Variants in NPAT observed in about 807,000 individuals in gnomAD.
NPAT encodes the protein nuclear protein, coactivator of histone transcription.
Under a neutral mutation model 130.7 loss-of-function variants are expected in NPAT, and 52 were observed. That is an observed-to-expected ratio of 0.40 (90% confidence interval 0.32 to 0.50). NPAT has a LOEUF of 0.50. Ranked by LOEUF, NPAT falls within the 20% of genes least tolerant of loss-of-function variation. The probability of loss-of-function intolerance (pLI) is 0.68; values close to 1 mark genes in which losing one functional copy is unlikely to be tolerated. For missense variants in NPAT, 1,687 were observed against 1,662.6 expected, an observed-to-expected ratio of 1.01 and a Z score of -0.26; for synonymous variants, 580 against 584.8, an observed-to-expected ratio of 0.99 and a Z score of 0.12.
chr11:108,173,153 C>G lies in NPAT; in HGVS notation c.1831G>C (p.Glu611Gln), dbSNP rs2134836956. Residue 611 changes from glutamate to glutamine, a missense_variant, in exon 13 of 18, where the codon GAA becomes CAA. By Grantham distance (29) the Glu-to-Gln change is conservative. This residue lies in a region of NPAT where 1,379 missense variants were observed against 1,346.6 expected (regional missense o/e 1.02). Coordinates refer to ENST00000278612, the MANE Select transcript of NPAT (RefSeq NM_002519.3). ...LQSEILPVSVESSHLNVSGQV... is the reference protein window; with the variant it reads ...LQSEILPVSVQSSHLNVSGQV... ...CCAGATACATTTAAATGTGAACTTT[C>G]AACAGACACAGGTAGTATTTCACTT... 1 of 1,613,796 alleles carries G rather than the reference C, an allele frequency of 6.2e-7. No homozygotes were observed. Among genetic ancestry groups the G allele is most frequent in the South Asian group, 1.1e-5 (1 of 91,072 alleles).
chr11:108,199,508 C>A (rs769812155), intron 1 of NPAT, among the ~76,000 whole-genome samples: 9 of 152,174 alleles, frequency 5.9e-5, no homozygotes, highest in Non-Finnish European at 1.3e-4. Flanking sequence ...GGGATCTGTG[C>A]AAGGGTAAGA....
chr11:108,216,994 T>C (rs1045205246), intron 1 of NPAT, among the ~76,000 whole-genome samples: 2 of 152,222 alleles, frequency 1.3e-5, no homozygotes, highest in African/African-American at 4.8e-5. Context: ...TCAATGTTTT[T>C]GTTATACTGC....
chr11:108,158,841 G>A lies in NPAT; in HGVS notation c.*101C>T. ...AAAGTGAAGTTTCAGTACAATGAAA[G>A]TGCAGGTCATGCTTTCAGATTCTGT... On this transcript the variant is annotated 3_prime_UTR_variant, in exon 18 of 18. Transcript: ENST00000278612. The A allele has an allele frequency of 1.4e-6, 1 of 732,484 alleles. No homozygotes were observed. The highest frequency in any genetic ancestry group is 2.4e-6 in the Non-Finnish European group (1 of 409,334). 45.4% of individuals were successfully genotyped at this position (732,484 alleles called of 1,614,324 possible).
chr11:108,189,261 C>G lies in NPAT; in HGVS notation c.401G>C (p.Ser134Thr). The G allele has an allele frequency of 6.2e-7, 1 of 1,614,154 alleles. No individual in the cohort carries two copies. The highest frequency in any genetic ancestry group is 1.1e-5 in the South Asian group (1 of 91,086). ...GTAAGGTAAAGTGAGCAACTCTGCA[C>G]TGGCTGGAGCTGTTTGAGATGCAAG... is the stretch of plus-strand genomic sequence containing the variant. ...RKLASQTAPA[S>T]AELLTLPYLS... The change falls in exon 6 of 18, where the codon AGT becomes ACT. Residue 134 changes from serine to threonine, a missense_variant. By Grantham distance (58) the Ser-to-Thr change is moderately conservative. Transcript: ENST00000278612.
At chr11:108,185,202 C>CGCAGA in intron 10 of NPAT, 30 bp downstream of exon 10, 1 of 1,425,588 alleles carries the variant, frequency 7.0e-7, no homozygotes, top group Non-Finnish European at 9.9e-7. Flanking sequence ...GTAACACACA[C>CGCAGA]GCACCCATGC....
rs1279378223 is a variant in NPAT at position 108,161,011 on chromosome 11, A to C, written c.4075T>G (p.Phe1359Val). The change falls in exon 17 of 18, where the codon TTT becomes GTT. Residue 1359 changes from phenylalanine to valine, a missense_variant. Physicochemically the swap from Phe to Val is conservative, Grantham distance 50. This residue lies in a region of NPAT where 1,379 missense variants were observed against 1,346.6 expected (regional missense o/e 1.02). Coordinates refer to ENST00000278612, the MANE Select transcript of NPAT (RefSeq NM_002519.3). The part of the protein sequence containing the change: ...ATPLKDNTQQ[F>V]RASSRSTTKK... ...GTGGTGCTCCTTGAAGATGCTCTAAACTGTTGTGTGTTATCTTTCAGAGGA... is the reference window on the plus strand; with the variant it reads ...GTGGTGCTCCTTGAAGATGCTCTAACCTGTTGTGTGTTATCTTTCAGAGGA... The C allele has an allele frequency of 6.2e-7, 1 of 1,613,968 alleles. No homozygotes were observed. The highest frequency in any genetic ancestry group is 8.5e-7 in the Non-Finnish European group (1 of 1,180,022).
chr11:108,220,450 C>A (rs1442729), intron 1 of NPAT, among the ~76,000 whole-genome samples: 3,622 of 151,868 alleles, frequency 0.024, 107 homozygotes, highest in African/African-American at 0.075. Context: ...TTAAAAAAAA[C>A]CTAATTATCT....
At chr11:108,179,936 C>T (rs1393109522) in intron 10 of NPAT, among the ~76,000 whole-genome samples, 1 of 152,156 alleles carries the variant, frequency 6.6e-6, no homozygotes, top group Non-Finnish European at 1.5e-5. Context: ...AATGTTAAAA[C>T]CTATGCGGAT....
chr11:108,187,822 G>C (rs1164277577), intron 7 of NPAT, among the ~76,000 whole-genome samples: 1 of 152,006 alleles, frequency 6.6e-6, no homozygotes, highest in African/African-American at 2.4e-5. Flanking sequence ...AAAAATCTCA[G>C]ATAACATCAT....
rs140442354 is a variant in NPAT at position 108,161,566 on chromosome 11, C to T, written c.3520G>A (p.Asp1174Asn). ...TCTGGATTTTTCTGTCTTTCTACAT[C>T]GCTGCATAATTCATTCTCCTTATTA... is the stretch of plus-strand genomic sequence containing the variant. ...TANKENELCS[D>N]VERQKNPENS... Residue 1174 changes from aspartate (D) to asparagine (N), a missense_variant, in exon 17 of 18, where the codon GAT becomes AAT. By Grantham distance (23) the Asp-to-Asn change is conservative. This residue lies in a region of NPAT where 1,379 missense variants were observed against 1,346.6 expected (regional missense o/e 1.02). Coordinates refer to ENST00000278612, the MANE Select transcript of NPAT (RefSeq NM_002519.3). The T allele has an allele frequency of 2.2e-5, 35 of 1,614,158 alleles. No homozygotes were observed. Among genetic ancestry groups the T allele is most frequent in the East Asian group, 1.1e-4 (5 of 44,882 alleles).
At chr11:108,208,969 G>A (rs1222834916) in intron 1 of NPAT, among the ~76,000 whole-genome samples, 1 of 152,208 alleles carries the variant, frequency 6.6e-6, no homozygotes, top group African/African-American at 2.4e-5. Context: ...AAAATTTACA[G>A]CTATAAACAC....
chr11:108,176,668 G>C (rs1202892682), intron 11 of NPAT, among the ~76,000 whole-genome samples: 1 of 150,146 alleles, frequency 6.7e-6, no homozygotes, highest in African/African-American at 2.4e-5. Context: ...ATAAGATTGA[G>C]GACAATGGCC....
chr11:108,197,015 A>G (rs949267193), intron 2 of NPAT, among the ~76,000 whole-genome samples: 2 of 152,202 alleles, frequency 1.3e-5, no homozygotes, highest in Admixed American at 6.5e-5. Context: ...GATACAGGTC[A>G]GGAAGAAAAA....
chr11:108,205,263 ATTTTC>A (rs2078314935), intron 1 of NPAT, among the ~76,000 whole-genome samples: 1 of 152,154 alleles, frequency 6.6e-6, no homozygotes, highest in Non-Finnish European at 1.5e-5. Context: ...TCAACCAAGA[ATTTTC>A]TTTTCTTTTT....
intron 13 of NPAT, 150 bp from the exon 14 acceptor site, chr11:108,170,193 AAAC>A: frequency 1.6e-6 from 1 of 619,554 alleles, no homozygotes; most frequent in South Asian, 1.8e-5. Flanking sequence ...AAACAAAACA[AAAC>A]AAAACAAAAA....
intron 1 of NPAT, among the ~76,000 whole-genome samples, chr11:108,199,238 CTG>C (rs1457887251): frequency 6.6e-6 from 1 of 152,212 alleles, no homozygotes; most frequent in East Asian, 1.9e-4. Flanking sequence ...TTGGGCGCTG[CTG>C]TGTCACCCTC....
intron 5 of NPAT, 49 bp from the exon 6 acceptor site, chr11:108,189,379 G>A (rs769522366): frequency 6.4e-7 from 1 of 1,564,644 alleles, no homozygotes; most frequent in Non-Finnish European, 8.8e-7. Flanking sequence ...AGGGTAGTTT[G>A]GGAATTGTAA....
intron 1 of NPAT, among the ~76,000 whole-genome samples, chr11:108,215,150 C>T (rs1268799807): frequency 6.6e-6 from 1 of 152,168 alleles, no homozygotes; most frequent in Non-Finnish European, 1.5e-5. Flanking sequence ...ACTCATTCTT[C>T]ACAGTTTAGT....
In NPAT at chr11:108,173,104, T is replaced by A. The variant is rs766111971; in HGVS notation, c.1880A>T (p.Asp627Val). 1 of 1,614,066 alleles carries A rather than the reference T, an allele frequency of 6.2e-7. No individual in the cohort carries two copies. Among genetic ancestry groups the A allele is most frequent in the Non-Finnish European group, 8.5e-7 (1 of 1,179,980 alleles). The change falls in exon 13 of 18, where the codon GAT becomes GTT. Residue 627 changes from aspartate to valine, a missense_variant. By Grantham distance (152) the Asp-to-Val change is radical (BLOSUM62 -3). Around this residue, in one of 3 missense-constraint regions of NPAT, gnomAD observed 1,379 missense variants for 1,346.6 expected, o/e 1.02. Transcript: ENST00000278612. ...VSGQVEIHLG[D>V]SLSSTKQPSN... Reference sequence around the variant, plus strand: ...TGGTTGTTTAGTAGAAGACAGCGAATCTCCAAGATGAATTTCTACTTGTCC... The same window carrying A: ...TGGTTGTTTAGTAGAAGACAGCGAAACTCCAAGATGAATTTCTACTTGTCC...
Sources: allele counts gnomAD v4.1 joint callset (sites outside exome capture counted in the v4.1 genomes callset), GRCh38; gene constraint gnomAD v4.1.1; regional missense constraint gnomAD v4.1.1; transcripts MANE v1.5; gene names NCBI Gene and HGNC (gene_info 2026-07-23, HGNC 2026-07-21).